The following CHRDL1 variants were observed in gnomAD, a reference collection of about 807,000 sequenced individuals.
The protein encoded by CHRDL1 is chordin-like protein 1.
A neutral mutation model predicts 40.9 loss-of-function variants in CHRDL1; 19 were observed. That is an observed-to-expected ratio of 0.46 (90% CI 0.32 to 0.68). The LOEUF is 0.68. CHRDL1 is among the 30% of genes least tolerant of loss of function. The pLI is 0.03. For missense variants in CHRDL1, 329 were observed against 352.1 expected (o/e 0.93, Z 0.53); for synonymous variants, 136 against 123.4 (o/e 1.10, Z -0.68).
chrX:110,792,121 A>G lies in CHRDL1; in HGVS notation c.61T>C (p.Leu21=), dbSNP rs1347348447. The G allele has an allele frequency of 2.5e-6, 3 of 1,200,718 alleles. No homozygotes were observed. The highest frequency in any genetic ancestry group is 6.0e-5 in the East Asian group (2 of 33,515). ...KYIFSLLFFL[L]LEGGKTEQVK... ...TGCTCTGTTTTGCCTCCTTCTAGCA[A>G]AAGAAAGAACAACAACGAAAAGATG... Residue 21 remains leucine (L), a synonymous_variant, in exon 2 of 12, where the codon TTG becomes CTG. Coordinates refer to ENST00000372042, the MANE Select transcript of CHRDL1 (RefSeq NM_001143981.2).
chrX:110,681,379 T>C, intron 10 of CHRDL1, 103 bp downstream of exon 10: 3 of 663,610 alleles, frequency 4.5e-6, no homozygotes, highest in Non-Finnish European at 7.0e-6. Flanking sequence ...AAAAGAACTT[T>C]TAATCCAAAT....
At chrX:110,739,508 C>T (rs958526860) in intron 4 of CHRDL1, among the ~76,000 whole-genome samples, 3 of 111,563 alleles carry the variant, frequency 2.7e-5, no homozygotes, top group Non-Finnish European at 5.6e-5. Flanking sequence ...CCAGAGGCTC[C>T]AGTGATGAAC....
intron 8 of CHRDL1, among the ~76,000 whole-genome samples, chrX:110,691,542 T>C (rs980474256): frequency 3.6e-5 from 4 of 110,178 alleles, no homozygotes; most frequent in African/African-American, 9.9e-5. Flanking sequence ...ATCTCTAGGG[T>C]GGGTTGTATC....
chrX:110,794,453 A>C (rs567767911), intron 1 of CHRDL1, among the ~76,000 whole-genome samples: 8 of 112,295 alleles, frequency 7.1e-5, no homozygotes, highest in East Asian at 2.8e-4. Context: ...ACAACAACAA[A>C]AAAACAAAAC....
chrX:110,749,506 A>G (rs1292120600), intron 4 of CHRDL1, among the ~76,000 whole-genome samples: 3 of 111,852 alleles, frequency 2.7e-5, no homozygotes, highest in African/African-American at 9.8e-5. Context: ...CCATACATAT[A>G]TTTGCTGAAC....
chrX:110,710,393 G>T (rs952213734), intron 6 of CHRDL1, among the ~76,000 whole-genome samples: 1 of 111,730 alleles, frequency 9.0e-6, no homozygotes, highest in Non-Finnish European at 1.9e-5. Flanking sequence ...ATGCTTCACT[G>T]GGAATTCCTT....
At chrX:110,690,519 G>A (rs1336696051) in intron 8 of CHRDL1, among the ~76,000 whole-genome samples, 1 of 110,763 alleles carries the variant, frequency 9.0e-6, no homozygotes, top group African/African-American at 3.3e-5. Flanking sequence ...TGCTTTCCAT[G>A]GAGGCTAGAT....
At chrX:110,701,634 G>A (rs56947963) in intron 6 of CHRDL1, among the ~76,000 whole-genome samples, 3,423 of 110,958 alleles carry the variant, frequency 0.031, 119 homozygotes, top group African/African-American at 0.1. Flanking sequence ...GGCAACACAG[G>A]GAGACCCTGT....
At chrX:110,773,341 C>T (rs1480288139) in intron 2 of CHRDL1, among the ~76,000 whole-genome samples, 1 of 111,709 alleles carries the variant, frequency 9.0e-6, no homozygotes, top group Non-Finnish European at 1.9e-5. Context: ...GACCCATGTG[C>T]GATTTAGAAG....
intron 4 of CHRDL1, among the ~76,000 whole-genome samples, chrX:110,733,261 G>A (rs1293160165): frequency 1.8e-5 from 2 of 111,168 alleles, no homozygotes; most frequent in East Asian, 2.8e-4. Flanking sequence ...TTCCATGTAC[G>A]GACCCACACC....
intron 4 of CHRDL1, among the ~76,000 whole-genome samples, chrX:110,743,954 G>A (rs1006445195): frequency 1.8e-5 from 2 of 111,473 alleles, no homozygotes; most frequent in Non-Finnish European, 3.8e-5. Context: ...TGACTCAGAG[G>A]AGGAATCTCA....
intron 9 of CHRDL1, 34 bp from the exon 10 acceptor site, chrX:110,681,683 G>C: frequency 1.8e-6 from 2 of 1,094,295 alleles, no homozygotes; most frequent in Non-Finnish European, 2.5e-6. Context: ...TTTTGTCATG[G>C]TTTTCTAAAG....
chrX:110,722,485 G>A (rs2070980451), intron 4 of CHRDL1, among the ~76,000 whole-genome samples: 1 of 110,649 alleles, frequency 9.0e-6, no homozygotes, highest in African/African-American at 3.3e-5. Context: ...AATAACTCCA[G>A]CCACAATCTG....
chrX:110,773,096 T>C (rs2089786158), intron 2 of CHRDL1, among the ~76,000 whole-genome samples: 1 of 112,424 alleles, frequency 8.9e-6, no homozygotes, highest in Admixed American at 9.4e-5. Flanking sequence ...TTGTAGCCAT[T>C]AAAATTTATT....
At chrX:110,683,645 T>C (rs987463697) in intron 9 of CHRDL1, among the ~76,000 whole-genome samples, 3 of 111,823 alleles carry the variant, frequency 2.7e-5, no homozygotes, top group Non-Finnish European at 5.6e-5. Context: ...ACCCTTAGAA[T>C]GACCCTGTAT....
chrX:110,730,477 C>T (rs757775918), intron 4 of CHRDL1, among the ~76,000 whole-genome samples: 10 of 111,790 alleles, frequency 8.9e-5, no homozygotes, highest in East Asian at 2.8e-4. Flanking sequence ...GGTGGATTTA[C>T]GCTCAGAAGG....
intron 2 of CHRDL1, among the ~76,000 whole-genome samples, chrX:110,788,968 G>A (rs1334898514): frequency 1.8e-5 from 2 of 111,258 alleles, no homozygotes; most frequent in Admixed American, 9.6e-5. Flanking sequence ...ACCTTCCTAG[G>A]AATAAGAAAT....
Position 110,782,458 on chromosome X carries a change from A to G in CHRDL1, c.94+9630T>C, listed in dbSNP as rs180974079. ...CTACGTAGTTGGTAAGGTGCAGGTCACTGTTTTTAGAACTTGGAAAGTAAA... is the reference window on the plus strand; with the variant it reads ...CTACGTAGTTGGTAAGGTGCAGGTCGCTGTTTTTAGAACTTGGAAAGTAAA... On this transcript the variant is annotated intron_variant, in intron 2 of 11. Coordinates refer to ENST00000372042, the MANE Select transcript of CHRDL1 (RefSeq NM_001143981.2). 6.0e-4 allele frequency among the ~76,000 whole-genome samples: 68 copies of G among 112,531 alleles called. No individual in the cohort carries two copies. In the East Asian group the frequency reaches 0.013, roughly 22 times the overall value.
intron 7 of CHRDL1, among the ~76,000 whole-genome samples, chrX:110,699,588 T>C (rs1382496161): frequency 8.9e-6 from 1 of 112,544 alleles, no homozygotes; most frequent in Non-Finnish European, 1.9e-5. Context: ...TCCTTTAAGA[T>C]TAGCACACCT....
Sources: allele counts gnomAD v4.1 joint callset (sites outside exome capture counted in the v4.1 genomes callset), GRCh38; gene constraint gnomAD v4.1.1; transcripts MANE v1.5; gene names NCBI Gene and HGNC (gene_info 2026-07-23, HGNC 2026-07-21).